MAOA: variants seen among roughly 807,000 people sequenced by gnomAD.
MAOA encodes the protein monoamine oxidase A.
MAOA carries 6 observed loss-of-function variants against 42.0 expected under a neutral mutation model. The observed-to-expected ratio is 0.14, with a 90% CI of 0.08 to 0.28. MAOA has a LOEUF of 0.28. MAOA is among the 10% of genes least tolerant of loss of function. MAOA has a pLI of 1.00. For missense variants in MAOA, 262 were observed against 422.3 expected, an observed-to-expected ratio of 0.62 and a Z score of 3.33; for synonymous variants, 140 against 154.0, an observed-to-expected ratio of 0.91 and a Z score of 0.67.
chrX:43,730,638 C>T lies in MAOA; in HGVS notation c.646-603C>T, dbSNP rs190422473. ...TCCCGAATAGCTGGGATTACAGGCA[C>T]GTGCCACCACGCCTGGCTAATTTTT... On this transcript the variant is annotated intron_variant, in intron 6 of 14. Transcript: ENST00000338702. Among the ~76,000 whole-genome samples, 420 of 109,273 alleles carry T rather than the reference C, an allele frequency of 3.8e-3. 4 individuals carry two copies. Among genetic ancestry groups the T allele is most frequent in the Admixed American group, 5.5e-3 (56 of 10,266 alleles). The allele number at this position is 109,273 out of a possible 115,157, so 94.9% of individuals were successfully genotyped here.
intron 1 of MAOA, among the ~76,000 whole-genome samples, chrX:43,660,275 A>G (rs745626085): frequency 4.5e-4 from 50 of 110,890 alleles, no homozygotes; most frequent in African/African-American, 1.5e-3. Flanking sequence ...CCTGGTTATG[A>G]CCCCCTTCCC....
chrX:43,743,828 G>C lies in MAOA; in HGVS notation c.1297G>C (p.Ala433Pro). 8.5e-7 allele frequency: 1 copy of C among 1,172,297 alleles called. No homozygotes were observed. Among genetic ancestry groups the C allele is most frequent in the Non-Finnish European group, 1.1e-6 (1 of 875,237 alleles). Reference sequence around the variant, plus strand: ...TCAACCCGTGGGCAGGATTTTCTTTGCGGGCACAGAGACTGCCACAAAGTG... The same window carrying C: ...TCAACCCGTGGGCAGGATTTTCTTTCCGGGCACAGAGACTGCCACAAAGTG... Reference protein sequence around the residue: ...IRQPVGRIFFAGTETATKWSG... With the variant: ...IRQPVGRIFFPGTETATKWSG... The change falls in exon 13 of 15, where the codon GCG becomes CCG. Residue 433 changes from alanine (A) to proline (P), a missense_variant. Physicochemically the swap from Ala to Pro is conservative, Grantham distance 27. This residue lies in a region of MAOA where 86 missense variants were observed against 190.3 expected (regional missense o/e 0.45). Coordinates refer to ENST00000338702, the MANE Select transcript of MAOA (RefSeq NM_000240.4).
intron 1 of MAOA, among the ~76,000 whole-genome samples, chrX:43,672,419 A>T (rs2033345443): frequency 9.0e-6 from 1 of 110,604 alleles, no homozygotes; most frequent in Non-Finnish European, 1.9e-5. Context: ...TCTTTTCCTA[A>T]TTGAATACCC....
intron 10 of MAOA, among the ~76,000 whole-genome samples, chrX:43,737,107 GT>G (rs1211731251): frequency 8.9e-6 from 1 of 111,820 alleles, no homozygotes; most frequent in Non-Finnish European, 1.9e-5. Context: ...ACACGGATTT[GT>G]TTATTTGAAT....
rs755089201 is a variant in MAOA at position 43,661,250 on chromosome X, G to A, written c.73+4836G>A. 6.3e-5 allele frequency among the ~76,000 whole-genome samples: 7 copies of A among 111,785 alleles called. No homozygotes were observed. In the East Asian group the frequency reaches 1.7e-3, roughly 27 times the overall value. ...GGGAAAGAAAGAGATATATAATGATGAGTAAGTAGCATCCCTGTACATAAG... is the reference window on the plus strand; with the variant it reads ...GGGAAAGAAAGAGATATATAATGATAAGTAAGTAGCATCCCTGTACATAAG... On this transcript the variant is annotated intron_variant, in intron 1 of 14. Transcript: ENST00000338702.
At chrX:43,727,041 C>T (rs914553807) in intron 5 of MAOA, among the ~76,000 whole-genome samples, 1 of 112,106 alleles carries the variant, frequency 8.9e-6, no homozygotes, top group Non-Finnish European at 1.9e-5. Flanking sequence ...GATCCTTCCT[C>T]TGGAAGCTTT....
At chrX:43,666,291 C>G (rs534682717) in intron 1 of MAOA, among the ~76,000 whole-genome samples, 9 of 111,859 alleles carry the variant, frequency 8.0e-5, no homozygotes, top group East Asian at 5.6e-4. Flanking sequence ...TTGATATTTC[C>G]CCATAACTCT....
chrX:43,683,453 G>T (rs2033459628), intron 1 of MAOA, 60 bp from the exon 2 acceptor site: 1 of 849,607 alleles, frequency 1.2e-6, no homozygotes, highest in Admixed American at 2.2e-5. Flanking sequence ...TGTAGACCTG[G>T]TTAAATCTTG....
At chrX:43,744,200 C>G in intron 14 of MAOA, 29 bp downstream of exon 14, 1 of 1,165,431 alleles carries the variant, frequency 8.6e-7, no homozygotes, top group Non-Finnish European at 1.2e-6. Flanking sequence ...GGCACTATCT[C>G]TCCTTAGACC....
At chrX:43,718,626 G>C (rs1022197858) in intron 5 of MAOA, among the ~76,000 whole-genome samples, 4 of 108,991 alleles carry the variant, frequency 3.7e-5, no homozygotes, top group Non-Finnish European at 7.6e-5. Context: ...CCATCAGGGG[G>C]ATGTTGGCTG....
In MAOA at chrX:43,711,895, C is replaced by T. The variant is rs748344922; in HGVS notation, c.330C>T (p.Gly110=). The T allele has an allele frequency of 2.6e-5, 31 of 1,203,220 alleles. No homozygotes were observed. Among genetic ancestry groups the T allele is most frequent in the East Asian group, 3.0e-5 (1 of 33,745 alleles). ...AGGGGAAAACATATCCATTTCGGGG[C>T]GCCTTTCCACCAGTATGGAATCCCA... ...YVKGKTYPFR[G]AFPPVWNPIA... Residue 110 remains glycine, a synonymous_variant, in exon 4 of 15, where the codon GGC becomes GGT. Coordinates refer to ENST00000338702, the MANE Select transcript of MAOA (RefSeq NM_000240.4).
chrX:43,716,344 G>A (rs1009371373), intron 5 of MAOA, among the ~76,000 whole-genome samples: 4 of 111,323 alleles, frequency 3.6e-5, no homozygotes, highest in South Asian at 7.6e-4. Context: ...GTATCTTCCA[G>A]GAATGAACTA....
chrX:43,730,622 G>A (rs768725016), intron 6 of MAOA, among the ~76,000 whole-genome samples: 11 of 107,857 alleles, frequency 1.0e-4, no homozygotes, highest in Non-Finnish European at 2.1e-4. Flanking sequence ...CTCCCGAATA[G>A]CTGGGATTAC....
At chrX:43,656,146 A>C, upstream of MAOA, 1 of 448,194 alleles carries the variant, frequency 2.2e-6, no homozygotes, top group Non-Finnish European at 3.9e-6. Context: ...CAGCTGAAAC[A>C]TCAGCTCCGC....
rs2033990868 is a variant in MAOA at position 43,745,288 on chromosome X, G to A, written c.*775G>A. ...GTTGAGCAGAGGAAAATAGTGGCAGGACTGTCCCCCAGGAGGACTCCCTGC... is the reference window on the plus strand; with the variant it reads ...GTTGAGCAGAGGAAAATAGTGGCAGAACTGTCCCCCAGGAGGACTCCCTGC... On this transcript the variant is annotated 3_prime_UTR_variant, in exon 15 of 15. Transcript: ENST00000338702. 8.9e-6 allele frequency: 1 copy of A among 112,149 alleles called. No individual in the cohort carries two copies. Among genetic ancestry groups the A allele is most frequent in the African/African-American group, 3.3e-5 (1 of 30,741 alleles). The allele number at this position is 112,149 out of a possible 1,213,427, so 9.2% of individuals were successfully genotyped here. A position where few individuals can be genotyped will look rare whatever the true frequency, so the allele number is the denominator to read the frequency against.
At chrX:43,718,545 A>G (rs1425755769) in intron 5 of MAOA, among the ~76,000 whole-genome samples, 1 of 107,915 alleles carries the variant, frequency 9.3e-6, no homozygotes, top group Non-Finnish European at 1.9e-5. Flanking sequence ...TAGTGGGGAG[A>G]TACAACGGTT....
At chrX:43,715,738 G>T (rs191273122) in intron 5 of MAOA, among the ~76,000 whole-genome samples, 20 of 110,360 alleles carry the variant, frequency 1.8e-4, no homozygotes, top group African/African-American at 5.9e-4. Context: ...GAAAGGGTGG[G>T]GATAGTATCT....
At chrX:43,744,295 T>A in intron 14 of MAOA, 72 bp from the exon 15 acceptor site, 1 of 1,160,921 alleles carries the variant, frequency 8.6e-7, no homozygotes. Flanking sequence ...TCTCCATGCA[T>A]GGATCTTGCA....
At chrX:43,707,030 T>C (rs768186187) in intron 3 of MAOA, among the ~76,000 whole-genome samples, 9 of 111,720 alleles carry the variant, frequency 8.1e-5, no homozygotes, top group Non-Finnish European at 1.3e-4. Flanking sequence ...TGAGAGGTTA[T>C]AGATAATTTG....
Sources: allele counts gnomAD v4.1 joint callset (sites outside exome capture counted in the v4.1 genomes callset), GRCh38; gene constraint gnomAD v4.1.1; regional missense constraint gnomAD v4.1.1; transcripts MANE v1.5; gene names NCBI Gene and HGNC (gene_info 2026-07-23, HGNC 2026-07-21).